Variants in HMGN5 observed in about 807,000 individuals in gnomAD.
HMGN5 encodes the protein high mobility group nucleosome binding domain 5.
A neutral mutation model predicts 9.5 loss-of-function variants in HMGN5; 4 were observed. The observed-to-expected ratio is 0.42, with a 90% CI of 0.21 to 0.96. HMGN5 has a LOEUF of 0.96. HMGN5 is among the 40% of genes least tolerant of loss of function. The pLI is 0.30. For synonymous variants in HMGN5, 55 were observed against 57.1 expected (o/e 0.96, Z 0.16); for missense variants, 192 against 187.5 (o/e 1.02, Z -0.14).
intron 1 of HMGN5, among the ~76,000 whole-genome samples, chrX:81,195,640 C>T (rs1390143889): frequency 8.1e-5 from 9 of 111,581 alleles, no homozygotes; most frequent in Non-Finnish European, 1.7e-4. Flanking sequence ...AATTTATTCG[C>T]TCCTCCTCTG....
At chrX:81,163,160 T>C (rs973620351) in intron 1 of HMGN5, among the ~76,000 whole-genome samples, 6 of 112,065 alleles carry the variant, frequency 5.4e-5, no homozygotes, top group Middle Eastern at 4.2e-3. Context: ...GTGTTTCAGC[T>C]GACAGCCCCA....
chrX:81,117,538 T>A lies in HMGN5; in HGVS notation c.129+894A>T, dbSNP rs767384160. Among the ~76,000 whole-genome samples, 161 of 111,135 alleles carry A rather than the reference T, an allele frequency of 1.4e-3. 1 individual carries two copies. Among genetic ancestry groups the A allele is most frequent in the South Asian group, 3.4e-3 (9 of 2,657 alleles). Reference sequence around the variant, plus strand: ...CAGATTACAGGTGTAAGCCACCACGTCTGGCCTTACTTTTCTTTTTAAAAG... The same window carrying A: ...CAGATTACAGGTGTAAGCCACCACGACTGGCCTTACTTTTCTTTTTAAAAG... On this transcript the variant is annotated intron_variant, in intron 5 of 6. Coordinates refer to ENST00000358130, the MANE Select transcript of HMGN5 (RefSeq NM_030763.3).
chrX:81,178,334 G>T (rs892874896), intron 1 of HMGN5, among the ~76,000 whole-genome samples: 1 of 111,417 alleles, frequency 9.0e-6, no homozygotes, highest in Non-Finnish European at 1.9e-5. Context: ...AAGAAGAAAA[G>T]AGAGAAGAAT....
intron 1 of HMGN5, among the ~76,000 whole-genome samples, chrX:81,183,605 A>G (rs1175853505): frequency 8.9e-6 from 1 of 112,527 alleles, no homozygotes; most frequent in Non-Finnish European, 1.9e-5. Context: ...ATTCCAGAAG[A>G]TGTATGGAAA....
intron 1 of HMGN5, among the ~76,000 whole-genome samples, chrX:81,146,501 T>G (rs929370811): frequency 3.6e-5 from 4 of 111,627 alleles, no homozygotes; most frequent in Non-Finnish European, 7.5e-5. Flanking sequence ...TAAAGCAGTG[T>G]GTAGAGGGAA....
At chrX:81,181,811 T>C (rs1400860602) in intron 1 of HMGN5, among the ~76,000 whole-genome samples, 1 of 112,266 alleles carries the variant, frequency 8.9e-6, no homozygotes, top group Non-Finnish European at 1.9e-5. Context: ...TAGTAGTCAG[T>C]TGTGTATATG....
At chrX:81,118,695 C>A in intron 4 of HMGN5, 35 bp downstream of exon 4, 2 of 1,136,840 alleles carry the variant, frequency 1.8e-6, no homozygotes, top group East Asian at 6.1e-5. Context: ...TGACGTTTCA[C>A]AATACATGGG....
chrX:81,133,717 G>A (rs1168759543), intron 1 of HMGN5, among the ~76,000 whole-genome samples: 3 of 110,884 alleles, frequency 2.7e-5, no homozygotes, highest in Admixed American at 9.7e-5. Flanking sequence ...AGAGGGTGAA[G>A]GGTGGGAGGA....
At chrX:81,197,402 G>A (rs1569354002) in intron 1 of HMGN5, among the ~76,000 whole-genome samples, 1 of 112,108 alleles carries the variant, frequency 8.9e-6, no homozygotes, top group East Asian at 2.8e-4. Context: ...TGTTTTGTAG[G>A]TAAATAATAT....
At chrX:81,193,805 TG>T (rs987908827) in intron 1 of HMGN5, among the ~76,000 whole-genome samples, 14 of 112,182 alleles carry the variant, frequency 1.2e-4, no homozygotes, top group African/African-American at 4.2e-4. Context: ...CAATTGTATT[TG>T]TATATTGCGG....
At chrX:81,176,389 A>G (rs972396819) in intron 1 of HMGN5, among the ~76,000 whole-genome samples, 51 of 111,752 alleles carry the variant, frequency 4.6e-4, no homozygotes, top group Non-Finnish European at 6.0e-4. Context: ...CCTCCAAAGG[A>G]TCACAGTTCC....
rs2075248063 is a variant in HMGN5 at position 81,114,805 on chromosome X, A to G, written c.693T>C (p.Asp231=). Reference sequence around the variant, plus strand: ...CTTTTCCATCTTCTCTCTCTTTTTCATCTTCTTTGACTTTTACATCTTTCC... The same window carrying G: ...CTTTTCCATCTTCTCTCTCTTTTTCGTCTTCTTTGACTTTTACATCTTTCC... ...KEGKDVKVKE[D]EKEREDGKED... Residue 231 remains aspartate (D), a synonymous_variant, in exon 7 of 7, where the codon GAT becomes GAC. Coordinates refer to ENST00000358130, the MANE Select transcript of HMGN5 (RefSeq NM_030763.3). The G allele has an allele frequency of 1.8e-6, 2 of 1,130,768 alleles. No individual in the cohort carries two copies. Among genetic ancestry groups the G allele is most frequent in the Non-Finnish European group, 2.3e-6 (2 of 856,830 alleles). 93.2% of individuals were successfully genotyped at this position (1,130,768 alleles called of 1,213,427 possible).
chrX:81,121,917 A>G (rs1217557126), intron 1 of HMGN5, among the ~76,000 whole-genome samples: 1 of 112,788 alleles, frequency 8.9e-6, no homozygotes, highest in East Asian at 2.8e-4. Context: ...AGCGATCAGG[A>G]ATAAGAACAG....
intron 1 of HMGN5, among the ~76,000 whole-genome samples, chrX:81,175,136 G>A (rs1346877919): frequency 8.9e-6 from 1 of 112,005 alleles, no homozygotes; most frequent in African/African-American, 3.2e-5. Flanking sequence ...GTATTAAAAA[G>A]CACTTTGGAA....
intron 1 of HMGN5, among the ~76,000 whole-genome samples, chrX:81,153,169 TA>T (rs933704251): frequency 1.2e-4 from 13 of 107,429 alleles, no homozygotes; most frequent in Non-Finnish European, 1.9e-4. Flanking sequence ...AATAAAAAAA[TA>T]AAAAAAGAAA....
At chrX:81,189,233 C>T (rs1036019047) in intron 1 of HMGN5, among the ~76,000 whole-genome samples, 6 of 112,183 alleles carry the variant, frequency 5.3e-5, no homozygotes, top group African/African-American at 1.9e-4. Flanking sequence ...TCTTTCTCTA[C>T]CTATTCTTGA....
chrX:81,151,526 A>C, intron 1 of HMGN5, among the ~76,000 whole-genome samples: 1 of 109,506 alleles, frequency 9.1e-6, no homozygotes, highest in Non-Finnish European at 1.9e-5. Context: ...TGAATCTATA[A>C]ATTACCTTGG....
intron 1 of HMGN5, among the ~76,000 whole-genome samples, chrX:81,153,609 A>C (rs867068694): frequency 0.028 from 985 of 35,371 alleles, 113 homozygotes; most frequent in South Asian, 0.074. Context: ...ATATATATAT[A>C]TATATATATA....
At chrX:81,198,829 G>A (rs1177269046) in intron 1 of HMGN5, among the ~76,000 whole-genome samples, 1 of 111,826 alleles carries the variant, frequency 8.9e-6, no homozygotes, top group East Asian at 2.8e-4. Context: ...AGACAAGGAT[G>A]CCCTCTCTCA....
Sources: gnomAD v4.1 joint callset for allele counts (sites outside exome capture counted in the v4.1 genomes callset) on GRCh38, gnomAD v4.1.1 for gene constraint, MANE v1.5 for transcripts, NCBI Gene and HGNC (gene_info 2026-07-23, HGNC 2026-07-21) for gene names.